KSR2: variants seen among roughly 807,000 people sequenced by gnomAD.
The protein encoded by KSR2 is kinase suppressor of ras 2.
In KSR2, 25 loss-of-function variants were observed where a neutral mutation model predicts 107.8. The observed-to-expected ratio is 0.23, with a 90% confidence interval of 0.17 to 0.32. The LOEUF is 0.32. Ranked by LOEUF, KSR2 falls within the 10% of genes least tolerant of loss-of-function variation. The probability of loss-of-function intolerance (pLI) is 1.00; values close to 1 mark genes in which losing one functional copy is unlikely to be tolerated. For missense variants in KSR2, 887 were observed against 1,268.9 expected (o/e 0.70, Z 4.57); for synonymous variants, 480 against 507.0 (o/e 0.95, Z 0.71).
At chr12:117,688,956 A>G (rs1171269872) in intron 4 of KSR2, among the ~76,000 whole-genome samples, 1 of 152,098 alleles carries the variant, frequency 6.6e-6, no homozygotes, top group Non-Finnish European at 1.5e-5. Context: ...CGACACATGC[A>G]TTACACACAT....
intron 4 of KSR2, among the ~76,000 whole-genome samples, chr12:117,692,639 A>G (rs1289069165): frequency 6.6e-6 from 1 of 151,868 alleles, no homozygotes; most frequent in Non-Finnish European, 1.5e-5. Flanking sequence ...TAGCTAAAAT[A>G]TGGAAACAAC....
intron 3 of KSR2, among the ~76,000 whole-genome samples, chr12:117,817,686 T>C (rs1050997769): frequency 2.6e-5 from 4 of 152,196 alleles, no homozygotes; most frequent in Non-Finnish European, 5.9e-5. Context: ...TGTGCCAACA[T>C]TGATTAAAAA....
intron 14 of KSR2, among the ~76,000 whole-genome samples, chr12:117,511,276 A>G (rs919145377): frequency 2.8e-4 from 42 of 152,346 alleles, no homozygotes; most frequent in African/African-American, 9.4e-4. Flanking sequence ...GTGGAAGAAC[A>G]TTTCTTTCCA....
rs1338151972 is a variant in KSR2 at position 117,456,887 on chromosome 12, G to T, written c.*10312C>A. 6.6e-6 allele frequency: 1 copy of T among 152,168 alleles called. No individual in the cohort carries two copies. Among genetic ancestry groups the T allele is most frequent in the Non-Finnish European group, 1.5e-5 (1 of 68,058 alleles). 9.4% of individuals were successfully genotyped at this position (152,168 alleles called of 1,614,324 possible). A position where few individuals can be genotyped will look rare whatever the true frequency, so the allele number is the denominator to read the frequency against. On this transcript the variant is annotated 3_prime_UTR_variant, in exon 20 of 20. Transcript: ENST00000339824. ...CTACCAGAGACAGCCATTCTAACCC[G>T]GCCTGACTCTCTTCTTCACAGTGAA...
At chr12:117,567,019 A>C (rs992459549) in intron 7 of KSR2, among the ~76,000 whole-genome samples, 1 of 152,186 alleles carries the variant, frequency 6.6e-6, no homozygotes, top group Non-Finnish European at 1.5e-5. Context: ...AGCATTTACC[A>C]TGTGTGCCAA....
intron 3 of KSR2, among the ~76,000 whole-genome samples, chr12:117,775,605 G>T (rs1889658628): frequency 6.6e-6 from 1 of 152,180 alleles, no homozygotes; most frequent in African/African-American, 2.4e-5. Flanking sequence ...CGTTCTCTTG[G>T]CTGCTATAAA....
chr12:117,696,929 C>G (rs1593141565), intron 4 of KSR2, among the ~76,000 whole-genome samples: 1 of 152,266 alleles, frequency 6.6e-6, no homozygotes, highest in South Asian at 2.1e-4. Flanking sequence ...GCTCTTCAAT[C>G]TTTTTCACAT....
intron 4 of KSR2, among the ~76,000 whole-genome samples, chr12:117,669,836 C>G (rs553085484): frequency 6.6e-6 from 1 of 151,798 alleles, no homozygotes; most frequent in Non-Finnish European, 1.5e-5. Flanking sequence ...CCACTGCACT[C>G]CAGCCTGGGT....
In KSR2 at chr12:117,757,003, C is replaced by G. The variant is rs747971096; in HGVS notation, c.986+4008G>C. Among the ~76,000 whole-genome samples, 6 of 149,156 alleles carry G rather than the reference C, an allele frequency of 4.0e-5. No homozygotes were observed. In the South Asian group the frequency reaches 1.3e-3, roughly 32 times the overall value. On this transcript the variant is annotated intron_variant, in intron 4 of 19. Coordinates refer to ENST00000339824, the MANE Select transcript of KSR2 (RefSeq NM_173598.6). Reference sequence around the variant, plus strand: ...CCAGGAGGTGGAGGTTGCAGTGAGCCGAGATTGCTCCATTGCACTCTAGCC... The same window carrying G: ...CCAGGAGGTGGAGGTTGCAGTGAGCGGAGATTGCTCCATTGCACTCTAGCC...
intron 14 of KSR2, among the ~76,000 whole-genome samples, chr12:117,521,575 T>C (rs1874763015): frequency 6.6e-6 from 1 of 152,238 alleles, no homozygotes; most frequent in African/African-American, 2.4e-5. Flanking sequence ...GGGTAACTAG[T>C]TGGTTATTAC....
chr12:117,954,002 A>G (rs888469808), intron 1 of KSR2, among the ~76,000 whole-genome samples: 6 of 152,106 alleles, frequency 3.9e-5, no homozygotes, highest in Non-Finnish European at 1.5e-5. Context: ...AGGCAGGACA[A>G]TCACCTGAAC....
chr12:117,611,090 C>A (rs1881572428), intron 5 of KSR2, among the ~76,000 whole-genome samples: 1 of 152,078 alleles, frequency 6.6e-6, no homozygotes, highest in Non-Finnish European at 1.5e-5. Context: ...ATAATAATCT[C>A]CTGCTAAAAA....
intron 5 of KSR2, among the ~76,000 whole-genome samples, chr12:117,656,425 C>T (rs1176009749): frequency 6.6e-6 from 1 of 152,132 alleles, no homozygotes; most frequent in Non-Finnish European, 1.5e-5. Context: ...GCCTGACCAA[C>T]ATGGAGAAAC....
intron 16 of KSR2, among the ~76,000 whole-genome samples, chr12:117,478,730 T>C (rs138091203): frequency 3.9e-5 from 6 of 152,330 alleles, no homozygotes; most frequent in African/African-American, 9.6e-5. Flanking sequence ...ATTGAGATTA[T>C]AGGCATGAGC....
At chr12:117,733,861 T>A (rs1160216414) in intron 4 of KSR2, among the ~76,000 whole-genome samples, 9 of 152,094 alleles carry the variant, frequency 5.9e-5, no homozygotes, top group Non-Finnish European at 1.2e-4. Context: ...GAACCCCTCA[T>A]AGGCACCGAA....
At chr12:117,737,250 A>T (rs2136760910) in intron 4 of KSR2, among the ~76,000 whole-genome samples, 1 of 152,268 alleles carries the variant, frequency 6.6e-6, no homozygotes, top group South Asian at 2.1e-4. Context: ...TTTAGAAACA[A>T]CTCCAAGAAT....
chr12:117,962,593 C>T (rs781303843), intron 1 of KSR2, among the ~76,000 whole-genome samples: 13 of 151,560 alleles, frequency 8.6e-5, no homozygotes, highest in African/African-American at 1.9e-4. Flanking sequence ...TACAGGTACC[C>T]GCTGCCATGC....
At chr12:117,814,985 G>A (rs373202679) in intron 3 of KSR2, among the ~76,000 whole-genome samples, 1 of 152,122 alleles carries the variant, frequency 6.6e-6, no homozygotes, top group African/African-American at 2.4e-5. Context: ...AAAGGGTGTG[G>A]CCAAAGGGCT....
At chr12:117,773,367 A>G (rs1223960645) in intron 3 of KSR2, among the ~76,000 whole-genome samples, 2 of 152,216 alleles carry the variant, frequency 1.3e-5, no homozygotes, top group African/African-American at 4.8e-5. Context: ...TTCACTTGAC[A>G]TTCTCTGATA....
Sources: allele counts gnomAD v4.1 joint callset (sites outside exome capture counted in the v4.1 genomes callset), GRCh38; gene constraint gnomAD v4.1.1; transcripts MANE v1.5; gene names NCBI Gene and HGNC (gene_info 2026-07-23, HGNC 2026-07-21).